The following SOX5 variants were observed in gnomAD, a reference collection of about 807,000 sequenced individuals.
SOX5 encodes the protein SRY-box transcription factor 5, also known as transcription factor SOX-5.
SOX5 carries 9 observed loss-of-function variants against 92.0 expected under a neutral mutation model. The observed-to-expected ratio is 0.10, with a 90% CI of 0.06 to 0.17. The LOEUF (loss-of-function observed/expected upper bound fraction) is 0.17. Ranked by LOEUF, SOX5 falls within the 10% of genes least tolerant of loss-of-function variation. The pLI is 1.00. For missense variants in SOX5, 642 were observed against 944.5 expected (o/e 0.68, Z 4.20); for synonymous variants, 344 against 336.3 (o/e 1.02, Z -0.25).
At chr12:23,735,340 T>A (rs1014063896) in intron 5 of SOX5, among the ~76,000 whole-genome samples, 3 of 152,186 alleles carry the variant, frequency 2.0e-5, no homozygotes, top group African/African-American at 7.2e-5. Context: ...TGCATTATTT[T>A]AAAATTCTGA....
intron 8 of SOX5, among the ~76,000 whole-genome samples, chr12:23,617,389 T>A (rs1484577760): frequency 6.6e-6 from 1 of 152,168 alleles, no homozygotes; most frequent in Non-Finnish European, 1.5e-5. Context: ...TACATCTGGC[T>A]ATAGTTTGGG....
At chr12:24,291,575 T>C (rs1166362968) in intron 2 of SOX5, among the ~76,000 whole-genome samples, 1 of 152,214 alleles carries the variant, frequency 6.6e-6, no homozygotes, top group Non-Finnish European at 1.5e-5. Flanking sequence ...AATGTGCATA[T>C]AGAAACAGAA....
At chr12:24,091,391 T>G (rs1008636815) in intron 4 of SOX5, among the ~76,000 whole-genome samples, 2 of 151,770 alleles carry the variant, frequency 1.3e-5, no homozygotes, top group Non-Finnish European at 2.9e-5. Context: ...AAAATAAAAA[T>G]TAGAATTAAA....
At chr12:24,098,479 G>A (rs1222303340) in intron 4 of SOX5, among the ~76,000 whole-genome samples, 2 of 152,046 alleles carry the variant, frequency 1.3e-5, no homozygotes, top group East Asian at 3.9e-4. Context: ...ACCCGCCCTT[G>A]CCCAATAGAC....
chr12:24,507,186 C>G (rs1948879306), intron 1 of SOX5, among the ~76,000 whole-genome samples: 1 of 151,918 alleles, frequency 6.6e-6, no homozygotes, highest in African/African-American at 2.4e-5. Flanking sequence ...ATGGATTAAA[C>G]CATTGGTTCC....
chr12:24,461,171 A>G (rs11047458), intron 1 of SOX5, among the ~76,000 whole-genome samples: 7,669 of 152,314 alleles, frequency 0.05, 270 homozygotes, highest in Non-Finnish European at 0.08. Context: ...TCGCATTGAT[A>G]CATACTGAAT....
At chr12:24,001,234 G>C (rs1346696581) in intron 4 of SOX5, among the ~76,000 whole-genome samples, 3 of 152,024 alleles carry the variant, frequency 2.0e-5, no homozygotes, top group Non-Finnish European at 4.4e-5. Context: ...GGGACCACAG[G>C]TGCACATCAC....
intron 6 of SOX5, among the ~76,000 whole-genome samples, chr12:23,677,023 G>C (rs981895958): frequency 1.3e-5 from 2 of 152,120 alleles, no homozygotes; most frequent in African/African-American, 2.4e-5. Context: ...TATTATAAAA[G>C]TCTTATGTTT....
At chr12:23,947,933 G>C (rs1010972637) in intron 1 of SOX5, among the ~76,000 whole-genome samples, 2 of 151,954 alleles carry the variant, frequency 1.3e-5, no homozygotes, top group Non-Finnish European at 2.9e-5. Context: ...CCTCAGAGTT[G>C]TATTTGCAAA....
At chr12:24,245,482 A>G (rs1938502519) in intron 3 of SOX5, among the ~76,000 whole-genome samples, 1 of 152,186 alleles carries the variant, frequency 6.6e-6, no homozygotes, top group Non-Finnish European at 1.5e-5. Context: ...TAAGCTGGCA[A>G]ACTAATTTGA....
chr12:24,117,474 G>A lies in SOX5; in HGVS notation c.-2+95869C>T, dbSNP rs887674611. 3.4e-4 allele frequency among the ~76,000 whole-genome samples: 50 copies of A among 148,980 alleles called. 3 individuals are homozygous for A. The highest frequency in any genetic ancestry group is 2.5e-5 in the African/African-American group (1 of 40,382). On this transcript the variant is annotated intron_variant, in intron 4 of 4. Coordinates refer to the SOX5 transcript ENST00000446891. ...CCCACTTCTGGATATATATATATAC[G>A]TAAAGGAATTGAAATCACTATGTCA... is the stretch of plus-strand genomic sequence containing the variant.
At chr12:23,689,129 A>G (rs926694901) in intron 6 of SOX5, among the ~76,000 whole-genome samples, 4 of 152,132 alleles carry the variant, frequency 2.6e-5, no homozygotes, top group Non-Finnish European at 5.9e-5. Flanking sequence ...TTTTTAGGCC[A>G]TTTAGAGCTA....
rs567461621 is a variant in SOX5, at chr12:23,739,034, G to A, written c.741+1833C>T. 2.9e-4 allele frequency among the ~76,000 whole-genome samples: 44 copies of A among 152,182 alleles called. 1 individual carries two copies. Among genetic ancestry groups the A allele is most frequent in the Admixed American group, 9.2e-4 (14 of 15,288 alleles). On this transcript the variant is annotated intron_variant, in intron 5 of 14. Transcript: ENST00000451604. ...GAGAAGAGTACAATGGAAATAAGGG[G>A]GTGGAAAAAAGGAGCTCCTCAAACA...
At chr12:23,942,027 C>G (rs1227453592) in intron 1 of SOX5, among the ~76,000 whole-genome samples, 1 of 151,092 alleles carries the variant, frequency 6.6e-6, no homozygotes, top group Non-Finnish European at 1.5e-5. Context: ...AAACACTGGC[C>G]CAGGGCAAAT....
At chr12:23,580,537 G>T (rs1258593748) in intron 9 of SOX5, among the ~76,000 whole-genome samples, 1 of 151,786 alleles carries the variant, frequency 6.6e-6, no homozygotes, top group Non-Finnish European at 1.5e-5. Context: ...TATTCTTTTA[G>T]AAAAATCCCA....
intron 1 of SOX5, among the ~76,000 whole-genome samples, chr12:24,402,616 T>C (rs543668835): frequency 1.3e-5 from 2 of 152,310 alleles, no homozygotes; most frequent in East Asian, 3.9e-4. Flanking sequence ...AGAGAAAGAA[T>C]GCAAAATTGT....
chr12:23,707,558 C>A (rs1165693174), intron 6 of SOX5, among the ~76,000 whole-genome samples: 2 of 152,024 alleles, frequency 1.3e-5, no homozygotes, highest in Non-Finnish European at 1.5e-5. Context: ...CAGAGAGCAA[C>A]GATTATGTGC....
chr12:24,259,422 A>T (rs1374241801), intron 3 of SOX5, among the ~76,000 whole-genome samples: 1 of 152,224 alleles, frequency 6.6e-6, no homozygotes, highest in Non-Finnish European at 1.5e-5. Flanking sequence ...TTTACTGAGT[A>T]TTTATTGCAT....
chr12:23,711,704 T>G (rs2092069728), intron 6 of SOX5, among the ~76,000 whole-genome samples: 1 of 152,138 alleles, frequency 6.6e-6, no homozygotes, highest in Admixed American at 6.5e-5. Flanking sequence ...CTGAAGTAAT[T>G]ACAATTGGAA....
Sources: allele counts gnomAD v4.1 joint callset (sites outside exome capture counted in the v4.1 genomes callset), GRCh38; gene constraint gnomAD v4.1.1; transcripts MANE v1.5; gene names NCBI Gene and HGNC (gene_info 2026-07-23, HGNC 2026-07-21).